The following AFAP1L2 variants were observed in gnomAD, a reference collection of about 807,000 sequenced individuals.
AFAP1L2 encodes actin filament associated protein 1 like 2, also known as actin filament-associated protein 1-like 2.
Under a neutral mutation model 99.3 loss-of-function variants are expected in AFAP1L2, and 46 were observed. That is an observed-to-expected ratio of 0.46 (90% CI 0.37 to 0.59). The LOEUF (loss-of-function observed/expected upper bound fraction) is 0.59, where lower values mean the gene tolerates loss of function less well. Among genes scored for constraint, AFAP1L2 ranks in the 20% least tolerant of loss-of-function variants. The pLI is 0.00. For missense variants in AFAP1L2, 959 were observed against 1,034.9 expected, an observed-to-expected ratio of 0.93 and a Z score of 1.01; for synonymous variants, 397 against 419.1, an observed-to-expected ratio of 0.95 and a Z score of 0.64.
At chr10:114,341,728 C>T (rs2048857985) in intron 1 of AFAP1L2, among the ~76,000 whole-genome samples, 2 of 152,320 alleles carry the variant, frequency 1.3e-5, no homozygotes, top group East Asian at 1.9e-4. Context: ...CACTGTCATA[C>T]TCCACAGCCC....
At position 114,312,434 on chromosome 10, in the gene AFAP1L2, G is replaced by A. The variant is rs1472440376; in HGVS notation, c.792+1437C>T. On this transcript the variant is annotated intron_variant, in intron 7 of 18. Transcript: ENST00000304129. The stretch of plus-strand genomic sequence containing the variant: ...TATGTGTGTGTAGTGGGTGAGGCAG[G>A]AGACTGGGGTAAGAAACCAACAGCC... Among the ~76,000 whole-genome samples, 9 of 152,264 alleles carry A rather than the reference G, an allele frequency of 5.9e-5. No individual in the cohort carries two copies. The East Asian group carries it at 1.5e-3, about 26-fold the overall frequency.
intron 4 of AFAP1L2, among the ~76,000 whole-genome samples, chr10:114,330,228 G>A (rs1266663645): frequency 6.6e-6 from 1 of 152,148 alleles, no homozygotes; most frequent in Non-Finnish European, 1.5e-5. Flanking sequence ...CGAATGAAGG[G>A]GCCAGTCCAG....
intron 1 of AFAP1L2, among the ~76,000 whole-genome samples, chr10:114,353,332 T>G (rs142681888): frequency 6.6e-6 from 1 of 152,354 alleles, no homozygotes; most frequent in Non-Finnish European, 1.5e-5. Context: ...AAACTAGCTG[T>G]TCTTCTATAC....
intron 4 of AFAP1L2, among the ~76,000 whole-genome samples, chr10:114,327,169 ATATATTTT>A (rs1457810094): frequency 5.3e-5 from 4 of 75,564 alleles, no homozygotes; most frequent in African/African-American, 7.8e-5. Context: ...ATATATATAT[ATATATTTT>A]TTTTTTAGGC....
chr10:114,400,108 C>T (rs1440494769), intron 1 of AFAP1L2, among the ~76,000 whole-genome samples: 1 of 152,236 alleles, frequency 6.6e-6, no homozygotes. Flanking sequence ...AAGCCATCCT[C>T]CCTTGGCTTG....
the AFAP1L2 span, chr10:114,282,681 C>T: frequency 7.5e-6 from 7 of 928,032 alleles, no homozygotes; most frequent in Admixed American, 1.1e-4. Flanking sequence ...TGACTGGCTC[C>T]AGGGCAGAGG....
chr10:114,281,166 G>A, the AFAP1L2 span: 1 of 152,288 alleles, frequency 6.6e-6, no homozygotes, highest in Non-Finnish European at 1.5e-5. Flanking sequence ...CCCAGGGTGG[G>A]ATCTTGTTGG....
chr10:114,394,231 G>A (rs1442758919), intron 1 of AFAP1L2, among the ~76,000 whole-genome samples: 1 of 152,210 alleles, frequency 6.6e-6, no homozygotes, highest in Non-Finnish European at 1.5e-5. Flanking sequence ...GCCATGAGAA[G>A]TGACACCCTT....
chr10:114,385,893 G>A (rs977343217), intron 1 of AFAP1L2, among the ~76,000 whole-genome samples: 1 of 152,154 alleles, frequency 6.6e-6, no homozygotes, highest in Non-Finnish European at 1.5e-5. Flanking sequence ...CAGGTACCTG[G>A]TGGAGGGTGC....
rs1295761531 is a variant in AFAP1L2, at chr10:114,297,509, C to T, written c.2114-96G>A. On this transcript the variant is annotated intron_variant, in intron 16 of 18. Transcript: ENST00000304129. The stretch of plus-strand genomic sequence containing the variant: ...GGCAGGGTCTACATACCCCGCCACC[C>T]GAGAAGGACCACAGGTCTGGCCCCA... 67 of 1,298,472 alleles carry T rather than the reference C, an allele frequency of 5.2e-5. 1 individual carries two copies. The South Asian group carries it at 6.4e-4, about 12-fold the overall frequency. 80.4% of individuals were successfully genotyped at this position (1,298,472 alleles called of 1,614,324 possible).
At chr10:114,282,598 G>A in the AFAP1L2 span, 9 of 1,606,270 alleles carry the variant, frequency 5.6e-6, no homozygotes, top group African/African-American at 6.7e-5. Context: ...GGATTTACAG[G>A]TTCTTTCAGG....
At chr10:114,387,666 G>C (rs1460158117) in intron 1 of AFAP1L2, among the ~76,000 whole-genome samples, 1 of 152,212 alleles carries the variant, frequency 6.6e-6, no homozygotes, top group Non-Finnish European at 1.5e-5. Flanking sequence ...GAAAGAGTAA[G>C]TAATTGCTCA....
chr10:114,377,927 A>C lies in AFAP1L2; in HGVS notation c.16+26513T>G, dbSNP rs114498361. ...ACACTTCTCAGGAGTACTTCCCAAG[A>C]AACTGTATTATGGTTTTTTTGTGGG... On this transcript the variant is annotated intron_variant, in intron 1 of 18. Transcript: ENST00000304129. This position sits in a 1 kb window ranked among gnomAD's most constrained non-coding sequence, Gnocchi z 4.0. Among the ~76,000 whole-genome samples the C allele has an allele frequency of 0.015, 2,353 of 152,294 alleles. 69 individuals are homozygous for C. Among genetic ancestry groups the C allele is most frequent in the African/African-American group, 0.055 (2,264 of 41,538 alleles).
intron 4 of AFAP1L2, among the ~76,000 whole-genome samples, chr10:114,329,969 C>T (rs2046992366): frequency 9.9e-5 from 15 of 152,092 alleles, no homozygotes; most frequent in Admixed American, 9.8e-4. Context: ...GGTGTGTGTG[C>T]ATGGTATGGG....
At chr10:114,331,668 G>A (rs1485028220) in intron 4 of AFAP1L2, 135 bp downstream of exon 4, 16 of 551,168 alleles carry the variant, frequency 2.9e-5, no homozygotes, top group Non-Finnish European at 4.0e-5. Flanking sequence ...GTCCCTACAC[G>A]TGCCTTGTCC....
At chr10:114,335,953 G>A (rs570823698) in intron 2 of AFAP1L2, among the ~76,000 whole-genome samples, 1 of 152,274 alleles carries the variant, frequency 6.6e-6, no homozygotes, top group Middle Eastern at 3.4e-3. Context: ...ATAGTGTTCA[G>A]TGTTCATTTT....
chr10:114,315,887 G>A (rs1263469412), intron 5 of AFAP1L2, 122 bp from the exon 6 acceptor site: 5 of 972,482 alleles, frequency 5.1e-6, no homozygotes, highest in South Asian at 5.0e-5. Flanking sequence ...GACTCTCCCT[G>A]CCCTCAAAGC....
chr10:114,349,615 T>C (rs1456603948), intron 1 of AFAP1L2, among the ~76,000 whole-genome samples: 2 of 150,076 alleles, frequency 1.3e-5, no homozygotes, highest in African/African-American at 2.5e-5. Flanking sequence ...TCTCAAGATA[T>C]CTATATGTTT....
intron 1 of AFAP1L2, among the ~76,000 whole-genome samples, chr10:114,376,943 C>A (rs2054887487): frequency 6.6e-6 from 1 of 152,136 alleles, no homozygotes; most frequent in African/African-American, 2.4e-5. Context: ...GGGATAGGAG[C>A]AAGATGGAGT....
Sources: allele counts gnomAD v4.1 joint callset (sites outside exome capture counted in the v4.1 genomes callset), GRCh38; gene constraint gnomAD v4.1.1; non-coding constraint Gnocchi (gnomAD v3.1); transcripts MANE v1.5; gene names NCBI Gene and HGNC (gene_info 2026-07-23, HGNC 2026-07-21).